The following DNAJC5B variants were observed in gnomAD, a reference collection of about 807,000 sequenced individuals.
The protein encoded by DNAJC5B is DnaJ heat shock protein family (Hsp40) member C5 beta.
A neutral mutation model predicts 24.7 loss-of-function variants in DNAJC5B; 23 were observed. The ratio of observed to expected loss-of-function variants is 0.93; its 90% confidence interval spans 0.67 to 1.32. The LOEUF (loss-of-function observed/expected upper bound fraction) is 1.32. DNAJC5B is among the 40% of genes most tolerant of loss of function. DNAJC5B has a pLI of 0.00. For missense variants in DNAJC5B, 238 were observed against 240.8 expected (o/e 0.99, Z 0.08); for synonymous variants, 101 against 90.1 (o/e 1.12, Z -0.68).
At chr8:66,088,437 A>G (rs1242960070) in intron 5 of DNAJC5B, among the ~76,000 whole-genome samples, 4 of 152,166 alleles carry the variant, frequency 2.6e-5, no homozygotes, top group Non-Finnish European at 5.9e-5. Context: ...ATTAACATTC[A>G]GCTTCTCGTT....
At chr8:66,099,684 G>T (rs561300538) in intron 5 of DNAJC5B, among the ~76,000 whole-genome samples, 3 of 152,176 alleles carry the variant, frequency 2.0e-5, no homozygotes, top group Non-Finnish European at 4.4e-5. Context: ...AGTTCACCAG[G>T]TTCAGCAAGT....
At chr8:66,027,483 G>A (rs1009752529) in intron 1 of DNAJC5B, among the ~76,000 whole-genome samples, 1 of 152,196 alleles carries the variant, frequency 6.6e-6, no homozygotes, top group Admixed American at 6.5e-5. Flanking sequence ...TTCACTCTCA[G>A]TCTTGCCATT....
chr8:66,034,537 T>A (rs1381905893), intron 1 of DNAJC5B, among the ~76,000 whole-genome samples: 1 of 151,976 alleles, frequency 6.6e-6, no homozygotes, highest in East Asian at 1.9e-4. Context: ...CAGAGAAATG[T>A]AAGCATCACG....
intron 1 of DNAJC5B, among the ~76,000 whole-genome samples, chr8:66,042,129 G>C (rs1806623779): frequency 6.6e-6 from 1 of 152,106 alleles, no homozygotes; most frequent in Non-Finnish European, 1.5e-5. Context: ...ATTGCTCACT[G>C]CCTGTCTTGG....
In DNAJC5B at chr8:66,080,398, C is replaced by T. The variant is rs1380428086; in HGVS notation, c.355C>T (p.Leu119Phe). ...WAKALFVIVG[L>F]LTGCYFCCCL... Reference sequence around the variant, plus strand: ...CTAGGCCCTGTTTGTCATCGTTGGCCTCTTGACGGGCTGCTACTTTTGCTG... The same window carrying T: ...CTAGGCCCTGTTTGTCATCGTTGGCTTCTTGACGGGCTGCTACTTTTGCTG... The change falls in exon 5 of 6, where the codon CTC becomes TTC. Residue 119 changes from leucine (L) to phenylalanine (F), a missense_variant. Transcript: ENST00000276570. 6.2e-7 allele frequency: 1 copy of T among 1,613,448 alleles called. No individual in the cohort carries two copies. The highest frequency in any genetic ancestry group is 8.5e-7 in the Non-Finnish European group (1 of 1,179,770).
chr8:66,084,121 G>A (rs1191024841), intron 5 of DNAJC5B, among the ~76,000 whole-genome samples: 2 of 152,142 alleles, frequency 1.3e-5, no homozygotes, highest in Admixed American at 6.5e-5. Flanking sequence ...TTAGATTCAC[G>A]TTTATACTCC....
At chr8:66,075,376 G>T (rs949329646) in intron 3 of DNAJC5B, among the ~76,000 whole-genome samples, 3 of 146,432 alleles carry the variant, frequency 2.0e-5, no homozygotes, top group African/African-American at 8.2e-5. Flanking sequence ...TTGGAACCAT[G>T]GGGGGGGAAA....
chr8:66,086,780 A>C (rs1399699167), intron 5 of DNAJC5B, among the ~76,000 whole-genome samples: 1 of 152,156 alleles, frequency 6.6e-6, no homozygotes, highest in Non-Finnish European at 1.5e-5. Context: ...GAAGATTACC[A>C]CAGGAAATTA....
In DNAJC5B at chr8:66,089,013, T is replaced by C. The variant is rs1188263350; in HGVS notation, c.505+8465T>C. ...AGTACCCCACTCTGCCTGTACCAAT[T>C]TTCTGTATTAGTCTGTTATCACTCT... is the stretch of plus-strand genomic sequence containing the variant. On this transcript the variant is annotated intron_variant, in intron 5 of 5. Coordinates refer to ENST00000276570, the MANE Select transcript of DNAJC5B (RefSeq NM_033105.6). Among the ~76,000 whole-genome samples the C allele has an allele frequency of 2.0e-5, 3 of 152,182 alleles. No homozygotes were observed. The East Asian group carries it at 5.8e-4, about 29-fold the overall frequency.
chr8:66,036,117 A>G (rs1388431302), intron 1 of DNAJC5B, among the ~76,000 whole-genome samples: 5 of 152,224 alleles, frequency 3.3e-5, no homozygotes, highest in African/African-American at 7.2e-5. Flanking sequence ...CTGGCCAAGG[A>G]AAACCTGGCT....
At chr8:66,080,298 G>C in intron 4 of DNAJC5B, 79 bp from the exon 5 acceptor site, 1 of 1,550,154 alleles carries the variant, frequency 6.5e-7, no homozygotes, top group Non-Finnish European at 8.7e-7. Flanking sequence ...GGGGTACCTG[G>C]GTACAGACTT....
intron 3 of DNAJC5B, among the ~76,000 whole-genome samples, chr8:66,062,975 ACTCCAGC>A (rs1176413672): frequency 6.6e-6 from 1 of 152,222 alleles, no homozygotes; most frequent in African/African-American, 2.4e-5. Context: ...GCACCACTGC[ACTCCAGC>A]CTACGTGGCA....
At chr8:66,078,042 C>G (rs1214776296) in intron 4 of DNAJC5B, among the ~76,000 whole-genome samples, 1 of 151,684 alleles carries the variant, frequency 6.6e-6, no homozygotes, top group Admixed American at 6.6e-5. Flanking sequence ...GCGTGGGAAC[C>G]CAACCTCTGG....
chr8:66,092,537 T>C (rs1807868855), intron 5 of DNAJC5B, among the ~76,000 whole-genome samples: 1 of 152,082 alleles, frequency 6.6e-6, no homozygotes, highest in African/African-American at 2.4e-5. Context: ...TTCTCAAATA[T>C]TAAATGATAC....
chr8:66,091,634 T>G, intron 5 of DNAJC5B, among the ~76,000 whole-genome samples: 1 of 152,098 alleles, frequency 6.6e-6, no homozygotes, highest in East Asian at 1.9e-4. Context: ...AAACCCAAAC[T>G]GAGATATGCT....
intron 5 of DNAJC5B, among the ~76,000 whole-genome samples, chr8:66,095,398 GC>G (rs1297145951): frequency 1.5e-4 from 23 of 149,098 alleles, no homozygotes; most frequent in African/African-American, 5.3e-4. Context: ...GGTCATTTCT[GC>G]TTTCTCTCTC....
At chr8:66,077,427 G>A (rs1306039275) in intron 4 of DNAJC5B, among the ~76,000 whole-genome samples, 1 of 152,190 alleles carries the variant, frequency 6.6e-6, no homozygotes, top group Admixed American at 6.5e-5. Context: ...TGGATACCTA[G>A]TCAAGAAAAG....
At chr8:66,068,303 T>C (rs1807268144) in intron 3 of DNAJC5B, among the ~76,000 whole-genome samples, 1 of 152,182 alleles carries the variant, frequency 6.6e-6, no homozygotes, top group South Asian at 2.1e-4. Context: ...ACCAAGAAGA[T>C]AAAATATGAG....
chr8:66,053,272 G>C (rs552914020), intron 3 of DNAJC5B, among the ~76,000 whole-genome samples: 1 of 152,212 alleles, frequency 6.6e-6, no homozygotes, highest in African/African-American at 2.4e-5. Context: ...CTTACATATA[G>C]TTTTAAGTAG....
Sources: gnomAD v4.1 joint callset for allele counts (sites outside exome capture counted in the v4.1 genomes callset) on GRCh38, gnomAD v4.1.1 for gene constraint, MANE v1.5 for transcripts, NCBI Gene and HGNC (gene_info 2026-07-23, HGNC 2026-07-21) for gene names.